Variants in NDE1 observed in about 807,000 individuals in gnomAD.
NDE1 encodes the protein nudE neurodevelopment protein 1, also known as nuclear distribution protein nudE homolog 1.
In NDE1, 28 loss-of-function variants were observed where a neutral mutation model predicts 43.4. The ratio of observed to expected loss-of-function variants is 0.65; its 90% CI spans 0.48 to 0.89. The LOEUF is 0.89. NDE1 is among the 40% of genes least tolerant of loss of function. NDE1 has a pLI of 0.00. For synonymous variants in NDE1, 184 were observed against 172.0 expected (o/e 1.07, Z -0.55); for missense variants, 441 against 434.1 (o/e 1.02, Z -0.14).
intron 3 of NDE1, 144 bp downstream of exon 3, chr16:15,667,583 C>T (rs575525210): frequency 5.5e-5 from 51 of 930,262 alleles, no homozygotes; most frequent in Middle Eastern, 6.5e-4. Context: ...GTGCGGCAGA[C>T]GTGATCTTTG....
At chr16:15,724,028 A>T in intron 8 of NDE1, 163 bp from the exon 9 acceptor site, 2 of 1,477,714 alleles carry the variant, frequency 1.4e-6, no homozygotes, top group Admixed American at 3.5e-5. Flanking sequence ...ACAAGATAAG[A>T]CAGCCTCCCA....
intron 1 of NDE1, among the ~76,000 whole-genome samples, chr16:15,656,145 GA>G (rs901650600): frequency 5.3e-5 from 8 of 149,854 alleles, no homozygotes; most frequent in Non-Finnish European, 7.4e-5. Flanking sequence ...TAAAGAAAAA[GA>G]AAAAAAAAGA....
intron 8 of NDE1, among the ~76,000 whole-genome samples, chr16:15,716,015 T>C (rs899238133): frequency 2.0e-5 from 3 of 152,054 alleles, no homozygotes; most frequent in Non-Finnish European, 4.4e-5. Flanking sequence ...TAGTCCCAGC[T>C]ACTTGGGAGG....
At chr16:15,719,805 T>G in intron 8 of NDE1, 1 of 1,555,770 alleles carries the variant, frequency 6.4e-7, no homozygotes, top group Non-Finnish European at 8.8e-7. Flanking sequence ...CCCCTTGGAT[T>G]TTCTGCAGTT....
At chr16:15,714,747 G>T in intron 8 of NDE1, 1 of 916,678 alleles carries the variant, frequency 1.1e-6, no homozygotes, top group Non-Finnish European at 1.7e-6. Flanking sequence ...CTCAGTGCCT[G>T]GCCCACACTA....
At chr16:15,667,028 C>T (rs748764966) in intron 2 of NDE1, among the ~76,000 whole-genome samples, 18 of 152,152 alleles carry the variant, frequency 1.2e-4, no homozygotes, top group Admixed American at 9.2e-4. Flanking sequence ...GGCAGATCAC[C>T]TCCAGTCAGG....
intron 1 of NDE1, among the ~76,000 whole-genome samples, chr16:15,653,569 C>A (rs2036605664): frequency 6.6e-6 from 1 of 152,118 alleles, no homozygotes; most frequent in African/African-American, 2.4e-5. Context: ...TTGCTCCTGA[C>A]TAGCAGTGCT....
chr16:15,708,734 G>T, intron 8 of NDE1: 2 of 1,503,396 alleles, frequency 1.3e-6, no homozygotes, highest in Non-Finnish European at 1.8e-6. Context: ...GGTGGGCAGA[G>T]GGGCGCATTG....
chr16:15,664,624 G>C, intron 1 of NDE1, 112 bp from the exon 2 acceptor site: 2 of 676,000 alleles, frequency 3.0e-6, no homozygotes, highest in South Asian at 3.4e-5. Context: ...CAAAGTGCTG[G>C]GATTATAGGC....
In NDE1 at chr16:15,725,150, C is replaced by A. The variant is rs79015533; in HGVS notation, c.*899C>A. ...GGACTCTGATAAAAAAAAAAAAAAA[C>A]ACACACACACACAAAAAAAACAGAA... On this transcript the variant is annotated 3_prime_UTR_variant, in exon 9 of 9. Coordinates refer to ENST00000396354, the MANE Select transcript of NDE1 (RefSeq NM_017668.3). The A allele has an allele frequency of 0.1, 51,849 of 519,144 alleles. 1,874 individuals are homozygous for A. The highest frequency in any genetic ancestry group is 0.15 in the African/African-American group (6,842 of 45,792). 32.2% of individuals were successfully genotyped at this position (519,144 alleles called of 1,614,324 possible). A position where few individuals can be genotyped will look rare whatever the true frequency, so the allele number is the denominator to read the frequency against.
intron 4 of NDE1, chr16:15,683,249 TTAAG>T (rs1400483802): frequency 2.0e-5 from 3 of 152,210 alleles, no homozygotes; most frequent in African/African-American, 7.2e-5. Context: ...GTTTTCCTAT[TTAAG>T]TATTTTCAGG....
chr16:15,701,429 A>G (rs923024885), intron 8 of NDE1: 1 of 152,172 alleles, frequency 6.6e-6, no homozygotes, highest in East Asian at 1.9e-4. Context: ...GGTGGGGGGA[A>G]TTCTGCCTCA....
intron 8 of NDE1, chr16:15,715,118 CGGCTGGG>C (rs754031840): frequency 3.2e-5 from 48 of 1,519,500 alleles, no homozygotes; most frequent in Admixed American, 1.7e-4. Flanking sequence ...TAGGGGAGGC[CGGCTGGG>C]GGCTGGGGGC....
Position 15,724,220 on chromosome 16 carries a change from A to C in NDE1, c.977A>C (p.Lys326Thr). The C allele has an allele frequency of 6.2e-7, 1 of 1,614,116 alleles. No individual in the cohort carries two copies. Among genetic ancestry groups the C allele is most frequent in the Non-Finnish European group, 8.5e-7 (1 of 1,180,036 alleles). Reference protein sequence around the residue: ...GLDTSCRWLSKSTTRSSSSC With the variant: ...GLDTSCRWLSTSTTRSSSSC The stretch of plus-strand genomic sequence containing the variant: ...GACACGAGTTGCCGCTGGTTGTCCA[A>C]ATCAACAACCAGGTCGTCCAGCTCC... Residue 326 changes from lysine (K) to threonine (T), a missense_variant, in exon 9 of 9, where the codon AAA becomes ACA. Lys to Thr is a moderately conservative substitution (Grantham distance 78). Coordinates refer to ENST00000396354, the MANE Select transcript of NDE1 (RefSeq NM_017668.3).
At chr16:15,658,750 G>T (rs143095350) in intron 1 of NDE1, among the ~76,000 whole-genome samples, 2 of 152,096 alleles carry the variant, frequency 1.3e-5, no homozygotes, top group Admixed American at 1.3e-4. Context: ...TCTGGCTCCC[G>T]GGTTCAAGCG....
At chr16:15,717,203 GACTTGA>G in intron 8 of NDE1, 1 of 1,614,196 alleles carries the variant, frequency 6.2e-7, no homozygotes, top group Non-Finnish European at 8.5e-7. Context: ...CGCGATGGTG[GACTTGA>G]ACTTGGACTT....
chr16:15,719,514 A>G (rs1053658636), intron 8 of NDE1: 11 of 1,608,122 alleles, frequency 6.8e-6, no homozygotes, highest in Middle Eastern at 4.0e-4. Flanking sequence ...GGGAATGCAC[A>G]GACTGGAGCT....
At chr16:15,692,285 G>A (rs1441876178) in intron 6 of NDE1, among the ~76,000 whole-genome samples, 6 of 152,212 alleles carry the variant, frequency 3.9e-5, no homozygotes, top group Admixed American at 2.0e-4. Context: ...AATGGCAGAT[G>A]GTTTGGGATT....
Position 15,696,765 on chromosome 16 carries a change from C to G in NDE1, c.852C>G (p.Asn284Lys). The G allele has an allele frequency of 1.2e-6, 2 of 1,614,212 alleles. No individual in the cohort carries two copies. The highest frequency in any genetic ancestry group is 2.2e-5 in the South Asian group (2 of 91,090). Residue 284 changes from asparagine to lysine, a missense_variant, in exon 8 of 9, where the codon AAC (asparagine) becomes AAG (lysine). By Grantham distance (94) the Asn-to-Lys change is moderately conservative. Coordinates refer to ENST00000396354, the MANE Select transcript of NDE1 (RefSeq NM_017668.3). The part of the protein sequence containing the change: ...CRNLVYDQSP[N>K]RTGGPASGRS... ...ACCTCGTGTACGATCAGTCCCCAAA[C>G]CGAACAGGTGGCCCAGCCTCTGGGC...
Sources: allele counts gnomAD v4.1 joint callset (sites outside exome capture counted in the v4.1 genomes callset), GRCh38; gene constraint gnomAD v4.1.1; transcripts MANE v1.5; gene names NCBI Gene and HGNC (gene_info 2026-07-23, HGNC 2026-07-21).